The following STK33 variants were observed in gnomAD, a reference collection of about 807,000 sequenced individuals.
The protein encoded by STK33 is serine/threonine-protein kinase 33.
A neutral mutation model predicts 58.0 loss-of-function variants in STK33; 52 were observed. The ratio of observed to expected loss-of-function variants is 0.90; its 90% CI spans 0.72 to 1.13. The LOEUF (loss-of-function observed/expected upper bound fraction) is 1.13, where lower values mean the gene tolerates loss of function less well. STK33 is among the 50% of genes most tolerant of loss of function. The pLI is 0.00. For synonymous variants in STK33, 215 were observed against 200.1 expected (o/e 1.07, Z -0.63); for missense variants, 630 against 604.2 (o/e 1.04, Z -0.45).
chr11:8,423,486 T>C (rs1199030025), intron 14 of STK33, among the ~76,000 whole-genome samples: 1 of 152,130 alleles, frequency 6.6e-6, no homozygotes, highest in Non-Finnish European at 1.5e-5. Flanking sequence ...GTTTATTCTT[T>C]AACTTATGAG....
At chr11:8,424,501 C>T (rs1307120199) in intron 14 of STK33, among the ~76,000 whole-genome samples, 3 of 151,750 alleles carry the variant, frequency 2.0e-5, no homozygotes, top group Admixed American at 6.6e-5. Context: ...TGGGTATATA[C>T]CCAGTAATGG....
intron 14 of STK33, among the ~76,000 whole-genome samples, chr11:8,414,575 T>C (rs1210407438): frequency 5.3e-5 from 8 of 152,080 alleles, no homozygotes; most frequent in Non-Finnish European, 1.2e-4. Context: ...TAAGACAGGG[T>C]ACTTTAGGGG....
intron 1 of STK33, among the ~76,000 whole-genome samples, chr11:8,593,177 C>T (rs1320044217): frequency 3.3e-5 from 5 of 152,128 alleles, no homozygotes; most frequent in Non-Finnish European, 4.4e-5. Context: ...AATTTAAATG[C>T]GCGATATATC....
At chr11:8,435,684 C>G in intron 13 of STK33, 105 bp from the exon 14 acceptor site, 1 of 554,742 alleles carries the variant, frequency 1.8e-6, no homozygotes, top group Non-Finnish European at 2.9e-6. Flanking sequence ...AAGAAAGATG[C>G]CAAGTGTACA....
chr11:8,550,075 A>G (rs1956203215), intron 1 of STK33, among the ~76,000 whole-genome samples: 1 of 152,210 alleles, frequency 6.6e-6, no homozygotes, highest in African/African-American at 2.4e-5. Flanking sequence ...GCTCTCAGTG[A>G]TATATCAGCA....
In STK33 at chr11:8,475,747, G is replaced by A. The variant is rs574960421; in HGVS notation, c.-161-681C>T. 11 of 152,260 alleles carry A rather than the reference G, an allele frequency of 7.2e-5. No individual in the cohort carries two copies. In the East Asian group the frequency reaches 1.7e-3, roughly 24 times the overall value. 9.4% of individuals were successfully genotyped at this position (152,260 alleles called of 1,614,324 possible). ...GTGGCAAGTTGGAAAGATCTCAGTT[G>A]AGGAGGAAGAAAAATACACTCTGCA... On this transcript the variant is annotated intron_variant, in intron 4 of 15. Transcript: ENST00000687296.
intron 12 of STK33, among the ~76,000 whole-genome samples, chr11:8,438,957 T>A (rs1293891142): frequency 1.3e-5 from 2 of 152,180 alleles, no homozygotes; most frequent in Non-Finnish European, 2.9e-5. Flanking sequence ...ACAGCTACAA[T>A]CACATCATCC....
At chr11:8,567,923 A>C (rs1017714881) in intron 1 of STK33, among the ~76,000 whole-genome samples, 3 of 152,208 alleles carry the variant, frequency 2.0e-5, no homozygotes, top group Non-Finnish European at 2.9e-5. Flanking sequence ...AACAATATTC[A>C]ACGGCTTCTA....
chr11:8,450,821 AATTG>A (rs1367735622), intron 11 of STK33, among the ~76,000 whole-genome samples: 1 of 152,188 alleles, frequency 6.6e-6, no homozygotes, highest in African/African-American at 2.4e-5. Flanking sequence ...AACATTCTAA[AATTG>A]ATTATGTAAT....
chr11:8,474,978 G>T lies in STK33; in HGVS notation c.-73C>A. On this transcript the variant is annotated 5_prime_UTR_variant, in exon 5 of 16. Transcript: ENST00000687296. ...TGAGGAAGAAAACCAGGCCAAAAAG[G>T]ATAAGGTAGTTGATGGTGAAAACTG... 1 of 1,403,012 alleles carries T rather than the reference G, an allele frequency of 7.1e-7. No individual in the cohort carries two copies. The highest frequency in any genetic ancestry group is 9.6e-7 in the Non-Finnish European group (1 of 1,038,930). 86.9% of individuals were successfully genotyped at this position (1,403,012 alleles called of 1,614,324 possible).
At chr11:8,523,574 G>A (rs151305310) in intron 1 of STK33, among the ~76,000 whole-genome samples, 25,533 of 151,654 alleles carry the variant, frequency 0.17, 2,575 homozygotes, top group South Asian at 0.31. Context: ...GCCCCATCTG[G>A]GAAGCGAAGA....
intron 1 of STK33, among the ~76,000 whole-genome samples, chr11:8,482,728 A>T (rs1458693146): frequency 1.3e-5 from 2 of 151,588 alleles, no homozygotes; most frequent in Admixed American, 1.3e-4. Flanking sequence ...TTTTTTATTT[A>T]TTTATTTATT....
intron 11 of STK33, among the ~76,000 whole-genome samples, chr11:8,441,149 G>A (rs1944690509): frequency 6.6e-6 from 1 of 152,088 alleles, no homozygotes; most frequent in Admixed American, 6.6e-5. Flanking sequence ...TGGAAATCTG[G>A]ATTCACAGAA....
chr11:8,390,855 T>C (rs1003708459), downstream of STK33, among the ~76,000 whole-genome samples: 1 of 152,204 alleles, frequency 6.6e-6, no homozygotes, highest in African/African-American at 2.4e-5. Flanking sequence ...TGGATAGTAC[T>C]CTATCTAACA....
chr11:8,398,853 A>T (rs990271186), intron 15 of STK33, among the ~76,000 whole-genome samples: 1 of 152,168 alleles, frequency 6.6e-6, no homozygotes, highest in Non-Finnish European at 1.5e-5. Flanking sequence ...ACCAACAAAG[A>T]TCAAAAGAGA....
chr11:8,491,479 G>C (rs1950605371), intron 1 of STK33, among the ~76,000 whole-genome samples: 1 of 152,190 alleles, frequency 6.6e-6, no homozygotes, highest in African/African-American at 2.4e-5. Context: ...TGGTGAAACT[G>C]AAAGTGACAG....
chr11:8,349,818 C>T, the STK33 span, among the ~76,000 whole-genome samples: 1 of 152,266 alleles, frequency 6.6e-6, no homozygotes, highest in African/African-American at 2.4e-5. Context: ...ACTCCTCCCA[C>T]CCCACACCAG....
chr11:8,539,536 T>C (rs998137048), intron 1 of STK33, among the ~76,000 whole-genome samples: 2 of 152,204 alleles, frequency 1.3e-5, no homozygotes, highest in African/African-American at 4.8e-5. Flanking sequence ...TAGGAATCTG[T>C]TCACTTTTGA....
Position 8,435,530 on chromosome 11 carries a change from G to A in STK33, c.1110C>T (p.Ile370=), listed in dbSNP as rs745929235. The change falls in exon 14 of 16, where the codon ATC becomes ATT. Residue 370 remains isoleucine (I), a synonymous_variant. Coordinates refer to ENST00000687296, the MANE Select transcript of STK33 (RefSeq NM_001352389.2). The part of the protein sequence containing the change: ...QLMKVDPAHR[I]TAKELLDNQW... ...GGTTATCTAGTAGTTCCTTAGCTGT[G>A]ATTCTGTGAGCAGGATCTACTTTCA... is the stretch of plus-strand genomic sequence containing the variant. 1.3e-6 allele frequency: 2 copies of A among 1,521,294 alleles called. No homozygotes were observed. The highest frequency in any genetic ancestry group is 2.8e-5 in the South Asian group (2 of 72,316). 94.2% of individuals were successfully genotyped at this position (1,521,294 alleles called of 1,614,324 possible).
Sources: gnomAD v4.1 joint callset for allele counts (sites outside exome capture counted in the v4.1 genomes callset) on GRCh38, gnomAD v4.1.1 for gene constraint, MANE v1.5 for transcripts, NCBI Gene and HGNC (gene_info 2026-07-23, HGNC 2026-07-21) for gene names.